EXOC4: variants seen among roughly 807,000 people sequenced by gnomAD.
EXOC4 encodes the protein exocyst complex component 4.
A neutral mutation model predicts 107.2 loss-of-function variants in EXOC4; 71 were observed. The observed-to-expected ratio is 0.66, with a 90% CI of 0.55 to 0.81. The LOEUF (loss-of-function observed/expected upper bound fraction) is 0.81, where lower values mean the gene tolerates loss of function less well. Among genes scored for constraint, EXOC4 ranks in the 30% least tolerant of loss-of-function variants. The pLI, the probability that EXOC4 is intolerant of heterozygous loss-of-function variation, is 0.00. For missense variants in EXOC4, 1,108 were observed against 1,189.6 expected, an observed-to-expected ratio of 0.93 and a Z score of 1.01; for synonymous variants, 456 against 441.2, an observed-to-expected ratio of 1.03 and a Z score of -0.42.
Position 133,284,563 on chromosome 7 carries a change from G to A in EXOC4, c.277-4359G>A, listed in dbSNP as rs1393173690. Among the ~76,000 whole-genome samples the A allele has an allele frequency of 3.3e-5, 5 of 151,986 alleles. No homozygotes were observed. The East Asian group carries it at 5.8e-4, about 18-fold the overall frequency. On this transcript the variant is annotated intron_variant, in intron 2 of 17. Transcript: ENST00000253861. ...TTATTTTTTTGTGAGACGGAGTGTC[G>A]CTCTGTCGCCCAGGCTGGAGTGCAG... is the stretch of plus-strand genomic sequence containing the variant.
Position 133,274,967 on chromosome 7 carries a change from C to G in EXOC4, c.87-15C>G. 2.6e-6 allele frequency: 4 copies of G among 1,564,608 alleles called. No homozygotes were observed. The highest frequency in any genetic ancestry group is 3.5e-6 in the Non-Finnish European group (4 of 1,155,816). ...CAAGTTTTACTTAGCTTGATATACT[C>G]TCTGCCTTCACCAGGACTCTGTCTA... On this transcript the variant is annotated splice_polypyrimidine_tract_variant and intron_variant, in intron 1 of 17. Coordinates refer to ENST00000253861, the MANE Select transcript of EXOC4 (RefSeq NM_021807.4).
In EXOC4 at chr7:133,627,249, G is replaced by C. The variant is rs58205518; in HGVS notation, c.1418-2796G>C. Among the ~76,000 whole-genome samples, 216 of 152,330 alleles carry C rather than the reference G, an allele frequency of 1.4e-3. 1 individual carries two copies. The highest frequency in any genetic ancestry group is 5.0e-3 in the African/African-American group (208 of 41,574). On this transcript the variant is annotated intron_variant, in intron 9 of 17. Coordinates refer to ENST00000253861, the MANE Select transcript of EXOC4 (RefSeq NM_021807.4). ...GGGACCTAAAGAAATGGTACGAGGGGAGAGGGACCTCCAGATGGTAGCGCA... is the reference window on the plus strand; with the variant it reads ...GGGACCTAAAGAAATGGTACGAGGGCAGAGGGACCTCCAGATGGTAGCGCA...
intron 11 of EXOC4, among the ~76,000 whole-genome samples, chr7:133,871,464 G>A (rs1290633887): frequency 6.6e-6 from 1 of 152,026 alleles, no homozygotes; most frequent in Non-Finnish European, 1.5e-5. Flanking sequence ...TCATCTTAAA[G>A]ATGGCAAAAG....
At position 133,798,990 on chromosome 7, in the gene EXOC4, G is replaced by T. The variant is rs145471737; in HGVS notation, c.1515-18335G>T. Among the ~76,000 whole-genome samples, 1,353 of 152,182 alleles carry T rather than the reference G, an allele frequency of 8.9e-3. 10 individuals carry two copies. Among genetic ancestry groups the T allele is most frequent in the Non-Finnish European group, 0.014 (930 of 67,994 alleles). On this transcript the variant is annotated intron_variant, in intron 10 of 17. Transcript: ENST00000253861. The stretch of plus-strand genomic sequence containing the variant: ...CTACAGACAATAAGGCTGAAGCTGC[G>T]ATTTTGAGAGACAGGTAAAATTCAG...
intron 1 of EXOC4, among the ~76,000 whole-genome samples, chr7:133,258,195 A>T (rs564128570): frequency 0.012 from 1,819 of 152,284 alleles, 29 homozygotes; most frequent in African/African-American, 0.041. Flanking sequence ...GATGTCTGGC[A>T]GCATATGTGA....
chr7:133,368,994 A>G (rs1197575328), intron 6 of EXOC4, among the ~76,000 whole-genome samples: 1 of 152,174 alleles, frequency 6.6e-6, no homozygotes, highest in African/African-American at 2.4e-5. Context: ...AGCTAGCTGC[A>G]ACATAATGTT....
At chr7:133,443,801 C>G (rs1028646455) in intron 7 of EXOC4, among the ~76,000 whole-genome samples, 2 of 152,188 alleles carry the variant, frequency 1.3e-5, no homozygotes, top group African/African-American at 4.8e-5. Flanking sequence ...GAAACACCCC[C>G]TCTCAAAGGG....
chr7:133,636,236 T>C (rs76094634), intron 10 of EXOC4, among the ~76,000 whole-genome samples: 3 of 152,170 alleles, frequency 2.0e-5, no homozygotes, highest in African/African-American at 7.2e-5. Context: ...CTCATTTCTT[T>C]CAGAAATTTA....
rs1222197101 is a variant in EXOC4 at position 133,312,775 on chromosome 7, G to C, written c.657-4509G>C. Among the ~76,000 whole-genome samples the C allele has an allele frequency of 5.3e-5, 8 of 151,306 alleles. No individual in the cohort carries two copies. In the South Asian group the frequency reaches 1.5e-3, roughly 28 times the overall value. ...CTGGCATACCACTGTGCTTGGCCTT[G>C]ATGCTCCTTTCTGTAAGATGTTTTG... is the stretch of plus-strand genomic sequence containing the variant. On this transcript the variant is annotated intron_variant, in intron 4 of 17. Coordinates refer to ENST00000253861, the MANE Select transcript of EXOC4 (RefSeq NM_021807.4).
At chr7:133,264,205 G>C (rs1470191198) in intron 1 of EXOC4, among the ~76,000 whole-genome samples, 6 of 152,164 alleles carry the variant, frequency 3.9e-5, no homozygotes, top group Admixed American at 3.9e-4. Flanking sequence ...TGTTGCCTAA[G>C]AGATTTATAG....
chr7:133,725,437 G>A (rs377683191), intron 10 of EXOC4, among the ~76,000 whole-genome samples: 4 of 152,196 alleles, frequency 2.6e-5, no homozygotes, highest in Admixed American at 6.5e-5. Context: ...GTACAATGGC[G>A]CGATCTCAGC....
rs2098762 is a variant in EXOC4 at position 133,802,913 on chromosome 7, A to C, written c.1515-14412A>C. ...AGTGAATACCTCCTGTCCAAGAAGA[A>C]CTTATTATATTGCTTCCAAAACAAG... On this transcript the variant is annotated intron_variant, in intron 10 of 17. Transcript: ENST00000253861. 1.9e-3 allele frequency among the ~76,000 whole-genome samples: 291 copies of C among 149,254 alleles called. 2 individuals are homozygous for C. Among genetic ancestry groups the C allele is most frequent in the African/African-American group, 6.8e-3 (273 of 40,308 alleles).
chr7:133,591,120 C>T (rs1314600452), intron 9 of EXOC4, among the ~76,000 whole-genome samples: 1 of 152,164 alleles, frequency 6.6e-6, no homozygotes, highest in East Asian at 1.9e-4. Flanking sequence ...ACAAAAGGGC[C>T]AAGGGAACTA....
chr7:133,901,163 C>A (rs538564983), intron 12 of EXOC4, among the ~76,000 whole-genome samples: 1 of 152,268 alleles, frequency 6.6e-6, no homozygotes, highest in East Asian at 1.9e-4. Context: ...AGCCACCATG[C>A]CTGGCCAAAT....
chr7:133,597,045 C>A (rs914999197), intron 9 of EXOC4, among the ~76,000 whole-genome samples: 2 of 152,090 alleles, frequency 1.3e-5, no homozygotes, highest in Non-Finnish European at 2.9e-5. Flanking sequence ...GTGGAATATC[C>A]CCTCAGCCAG....
intron 6 of EXOC4, among the ~76,000 whole-genome samples, chr7:133,365,239 A>G (rs1796226965): frequency 6.6e-6 from 1 of 152,248 alleles, no homozygotes; most frequent in Non-Finnish European, 1.5e-5. Flanking sequence ...ACAACAAAGC[A>G]CTAAGAATAT....
rs148145950 is a variant in EXOC4, at chr7:133,959,834, AT to A, written c.2206+21769del. Reference sequence around the variant, plus strand: ...AAACTATCAGATTCTAAGAAAATTGATTTTCAACCTAGAATTGTTTATCTAA... The same window carrying A: ...AAACTATCAGATTCTAAGAAAATTGATTTCAACCTAGAATTGTTTATCTAA... On this transcript the variant is annotated intron_variant, in intron 14 of 17. Transcript: ENST00000253861. 5.3e-3 allele frequency among the ~76,000 whole-genome samples: 807 copies of A among 152,266 alleles called. 10 individuals carry two copies. Among genetic ancestry groups the A allele is most frequent in the African/African-American group, 0.019 (772 of 41,564 alleles).
intron 6 of EXOC4, among the ~76,000 whole-genome samples, chr7:133,368,715 T>G (rs1212654798): frequency 6.6e-6 from 1 of 152,186 alleles, no homozygotes; most frequent in African/African-American, 2.4e-5. Context: ...GATTAATATT[T>G]TCTTTCACTA....
At chr7:133,405,839 C>T (rs748128032) in intron 7 of EXOC4, among the ~76,000 whole-genome samples, 4 of 152,160 alleles carry the variant, frequency 2.6e-5, no homozygotes, top group Non-Finnish European at 5.9e-5. Flanking sequence ...AAATATTGTA[C>T]TATATTGAAG....
Sources: allele counts gnomAD v4.1 joint callset (sites outside exome capture counted in the v4.1 genomes callset), GRCh38; gene constraint gnomAD v4.1.1; transcripts MANE v1.5; gene names NCBI Gene and HGNC (gene_info 2026-07-23, HGNC 2026-07-21).